Variants in TPO observed in about 807,000 individuals in gnomAD.
TPO encodes the protein thyroid microsomal antigen.
Under a neutral mutation model 96.9 loss-of-function variants are expected in TPO, and 78 were observed. The observed-to-expected ratio is 0.81, with a 90% CI of 0.67 to 0.97. The LOEUF (loss-of-function observed/expected upper bound fraction) is 0.97, where lower values mean the gene tolerates loss of function less well. Ranked by LOEUF, TPO falls within the 50% of genes least tolerant of loss-of-function variation. TPO has a pLI of 0.00. For missense variants in TPO, 1,252 were observed against 1,274.8 expected, an observed-to-expected ratio of 0.98 and a Z score of 0.27; for synonymous variants, 547 against 538.0, an observed-to-expected ratio of 1.02 and a Z score of -0.23.
At chr2:1,431,854 C>T (rs562197950) in intron 3 of TPO, among the ~76,000 whole-genome samples, 2 of 152,252 alleles carry the variant, frequency 1.3e-5, no homozygotes, top group Non-Finnish European at 2.9e-5. Flanking sequence ...CCCAAAGCCA[C>T]AGTAGGTGAT....
chr2:1,432,826 G>A (rs1334355322), intron 3 of TPO, among the ~76,000 whole-genome samples: 2 of 151,096 alleles, frequency 1.3e-5, no homozygotes, highest in Admixed American at 6.6e-5. Context: ...AGGCCTGCAG[G>A]TGAGGAGAGG....
chr2:1,420,018 G>A (rs371501202), intron 2 of TPO, among the ~76,000 whole-genome samples: 2 of 152,208 alleles, frequency 1.3e-5, no homozygotes, highest in Admixed American at 6.5e-5. Context: ...ACCGGTTCCA[G>A]TAGAGACTTG....
rs1679107786 is a variant in TPO, at chr2:1,534,546, A to C, written c.2619-6048A>C. On this transcript the variant is annotated intron_variant, in intron 15 of 16. Coordinates refer to ENST00000329066, the MANE Select transcript of TPO (RefSeq NM_001206744.2). ...CCTCCCACTCTGTGCAACCTCCCCAAATCCCTACCACTCTGTGCAACTTCC... is the reference window on the plus strand; with the variant it reads ...CCTCCCACTCTGTGCAACCTCCCCACATCCCTACCACTCTGTGCAACTTCC... Among the ~76,000 whole-genome samples the C allele has an allele frequency of 1.9e-5, 2 of 107,736 alleles. 1 individual carries two copies. The highest frequency in any genetic ancestry group is 6.4e-4 in the East Asian group (2 of 3,134). The allele number at this position is 107,736 out of a possible 152,430, so 70.7% of individuals were successfully genotyped here. A position where few individuals can be genotyped will look rare whatever the true frequency, so the allele number is the denominator to read the frequency against.
intron 9 of TPO, among the ~76,000 whole-genome samples, chr2:1,485,958 G>T (rs1047783537): frequency 1.8e-4 from 27 of 152,128 alleles, no homozygotes; most frequent in Admixed American, 3.9e-4. Context: ...TGGTGTTTTA[G>T]TCATGAAGTC....
intron 1 of TPO, among the ~76,000 whole-genome samples, chr2:1,379,858 C>G (rs1661780865): frequency 6.6e-6 from 1 of 152,064 alleles, no homozygotes; most frequent in African/African-American, 2.4e-5. Flanking sequence ...ATAACAAAAT[C>G]TTTGAGAAAT....
intron 13 of TPO, among the ~76,000 whole-genome samples, chr2:1,500,403 A>G (rs1672754374): frequency 6.6e-6 from 1 of 152,340 alleles, no homozygotes; most frequent in African/African-American, 2.4e-5. Flanking sequence ...TATTTTTACT[A>G]CAGCTGTTCC....
At chr2:1,516,633 G>C (rs1369031592) in intron 14 of TPO, among the ~76,000 whole-genome samples, 1 of 152,190 alleles carries the variant, frequency 6.6e-6, no homozygotes, top group African/African-American at 2.4e-5. Context: ...CCACAGTGAG[G>C]TTCCATAGAG....
intron 14 of TPO, among the ~76,000 whole-genome samples, chr2:1,505,060 C>T (rs548757145): frequency 3.3e-4 from 50 of 152,308 alleles, no homozygotes; most frequent in Non-Finnish European, 5.9e-4. Context: ...TGCTGAAACT[C>T]AGCTCCTCAG....
At position 1,533,537 on chromosome 2, in the gene TPO, A is replaced by C. The variant is rs1298760088; in HGVS notation, c.2619-7057A>C. On this transcript the variant is annotated intron_variant, in intron 15 of 16. Coordinates refer to ENST00000329066, the MANE Select transcript of TPO (RefSeq NM_001206744.2). ...TGTGCAACCTCCCGAAATCCCCCCAACTTTGTGCAACCTCCCCAAATGCCC... is the reference window on the plus strand; with the variant it reads ...TGTGCAACCTCCCGAAATCCCCCCACCTTTGTGCAACCTCCCCAAATGCCC... Among the ~76,000 whole-genome samples the C allele has an allele frequency of 3.6e-4, 2 of 5,492 alleles. 1 individual carries two copies. The highest frequency in any genetic ancestry group is 6.2e-4 in the Non-Finnish European group (2 of 3,252). The allele number at this position is 5,492 out of a possible 152,430, so 3.6% of individuals were successfully genotyped here. A position where few individuals can be genotyped will look rare whatever the true frequency, so the allele number is the denominator to read the frequency against.
chr2:1,418,102 G>A (rs1323635660), intron 2 of TPO, among the ~76,000 whole-genome samples: 1 of 152,148 alleles, frequency 6.6e-6, no homozygotes, highest in Non-Finnish European at 1.5e-5. Flanking sequence ...GACCAACATG[G>A]CAAAACCCCA....
chr2:1,512,200 A>G (rs1419985701), intron 14 of TPO, among the ~76,000 whole-genome samples: 1 of 152,012 alleles, frequency 6.6e-6, no homozygotes, highest in Non-Finnish European at 1.5e-5. Flanking sequence ...CGCCCGGCTA[A>G]TTTTTGTTTT....
intron 13 of TPO, among the ~76,000 whole-genome samples, chr2:1,497,603 C>T (rs192354591): frequency 1.3e-3 from 191 of 152,220 alleles, no homozygotes; most frequent in Non-Finnish European, 9.0e-4. Context: ...GGGACAGTGG[C>T]GTCAGGGCAG....
intron 3 of TPO, among the ~76,000 whole-genome samples, chr2:1,429,406 C>T (rs184040588): frequency 6.6e-6 from 1 of 152,262 alleles, no homozygotes; most frequent in African/African-American, 2.4e-5. Flanking sequence ...TTCTTTATAG[C>T]AATGTGAAAA....
intron 1 of TPO, among the ~76,000 whole-genome samples, chr2:1,389,088 G>A (rs184765188): frequency 1.3e-5 from 2 of 152,236 alleles, no homozygotes; most frequent in Non-Finnish European, 2.9e-5. Context: ...AAAAACAACT[G>A]AATAAACTTT....
At chr2:1,456,377 T>A in intron 7 of TPO, 95 bp downstream of exon 7, 1 of 1,334,232 alleles carries the variant, frequency 7.5e-7, no homozygotes, top group African/African-American at 1.5e-5. Context: ...GAAAGTCTGT[T>A]TCTTTGTCCT....
chr2:1,434,585 C>T (rs1370512594), intron 4 of TPO, among the ~76,000 whole-genome samples: 1 of 152,182 alleles, frequency 6.6e-6, no homozygotes, highest in Non-Finnish European at 1.5e-5. Flanking sequence ...GTCAGGCCTC[C>T]TATGGAAATG....
chr2:1,378,139 T>C (rs1427664734), intron 1 of TPO, among the ~76,000 whole-genome samples: 4 of 152,228 alleles, frequency 2.6e-5, no homozygotes, highest in African/African-American at 9.6e-5. Flanking sequence ...TCCCCTGCCA[T>C]GTGGAACTGT....
intron 7 of TPO, among the ~76,000 whole-genome samples, chr2:1,471,902 G>T (rs1010538878): frequency 3.3e-5 from 5 of 151,684 alleles, no homozygotes. Context: ...CCCTTCCCAT[G>T]ATCCTGATGC....
At chr2:1,429,330 A>C (rs1288928478) in intron 3 of TPO, among the ~76,000 whole-genome samples, 1 of 152,178 alleles carries the variant, frequency 6.6e-6, no homozygotes, top group Non-Finnish European at 1.5e-5. Flanking sequence ...AGCCATGCTT[A>C]TATAGCCAGA....
Sources: allele counts gnomAD v4.1 joint callset (sites outside exome capture counted in the v4.1 genomes callset), GRCh38; gene constraint gnomAD v4.1.1; transcripts MANE v1.5; gene names NCBI Gene and HGNC (gene_info 2026-07-23, HGNC 2026-07-21).